MAP4K4: variants seen among roughly 807,000 people sequenced by gnomAD.
MAP4K4 encodes HPK/GCK-like kinase HGK.
A neutral mutation model predicts 189.6 loss-of-function variants in MAP4K4; 38 were observed. That is an observed-to-expected ratio of 0.20 (90% CI 0.15 to 0.26). The LOEUF (loss-of-function observed/expected upper bound fraction) is 0.26, where lower values mean the gene tolerates loss of function less well. Among genes scored for constraint, MAP4K4 ranks in the 10% least tolerant of loss-of-function variants. The pLI is 1.00. For synonymous variants in MAP4K4, 610 were observed against 624.3 expected, an observed-to-expected ratio of 0.98 and a Z score of 0.34; for missense variants, 1,054 against 1,726.9, an observed-to-expected ratio of 0.61 and a Z score of 6.91.
intron 2 of MAP4K4, among the ~76,000 whole-genome samples, chr2:101,759,489 CCCTCT>C (rs2074749107): frequency 1.6e-5 from 1 of 63,692 alleles, no homozygotes; most frequent in Admixed American, 1.5e-4. Context: ...CCCTCCCCTC[CCCTCT>C]CCTCCCCTCT....
chr2:101,787,516 C>G (rs971170436), intron 2 of MAP4K4, among the ~76,000 whole-genome samples: 4 of 152,206 alleles, frequency 2.6e-5, no homozygotes, highest in African/African-American at 9.7e-5. Flanking sequence ...TTGGGCCACC[C>G]AGCTAGCGCA....
chr2:101,879,374 G>A (rs1246704832), intron 27 of MAP4K4, among the ~76,000 whole-genome samples: 1 of 150,564 alleles, frequency 6.6e-6, no homozygotes, highest in Non-Finnish European at 1.5e-5. Flanking sequence ...AGAAACTTAG[G>A]AAGAATAAAA....
intron 5 of MAP4K4, among the ~76,000 whole-genome samples, chr2:101,827,076 G>C (rs1391058230): frequency 6.6e-6 from 1 of 152,046 alleles, no homozygotes; most frequent in East Asian, 1.9e-4. Flanking sequence ...CTATACCCAG[G>C]CAAGCATTGT....
intron 2 of MAP4K4, among the ~76,000 whole-genome samples, chr2:101,727,849 G>T (rs2056386861): frequency 6.6e-6 from 1 of 152,150 alleles, no homozygotes; most frequent in Non-Finnish European, 1.5e-5. Flanking sequence ...TGAGCTTATA[G>T]TTCCAGCTAC....
intron 2 of MAP4K4, among the ~76,000 whole-genome samples, chr2:101,770,134 T>G (rs1043941253): frequency 6.6e-6 from 1 of 152,070 alleles, no homozygotes; most frequent in African/African-American, 2.4e-5. Context: ...TTTCAACAAA[T>G]AAGTTTTGTA....
intron 3 of MAP4K4, among the ~76,000 whole-genome samples, chr2:101,806,589 A>T (rs1260665265): frequency 6.6e-6 from 1 of 152,148 alleles, no homozygotes; most frequent in Non-Finnish European, 1.5e-5. Context: ...CATATTGGCC[A>T]GGCTGGTGTC....
At chr2:101,783,245 T>G (rs1325639956) in intron 2 of MAP4K4, among the ~76,000 whole-genome samples, 1 of 151,318 alleles carries the variant, frequency 6.6e-6, no homozygotes, top group Non-Finnish European at 1.5e-5. Context: ...CTTTCAATTC[T>G]TGGACATTTC....
intron 27 of MAP4K4, among the ~76,000 whole-genome samples, chr2:101,880,517 T>TC (rs1413554589): frequency 1.3e-5 from 2 of 152,032 alleles, no homozygotes; most frequent in East Asian, 3.8e-4. Flanking sequence ...TTCTATTTTT[T>TC]TTTTTTTTTG....
At chr2:101,766,136 T>C (rs999514099) in intron 2 of MAP4K4, among the ~76,000 whole-genome samples, 3 of 152,214 alleles carry the variant, frequency 2.0e-5, no homozygotes, top group African/African-American at 4.8e-5. Context: ...GAGAAAACTT[T>C]ATCCCTTGCC....
intron 3 of MAP4K4, among the ~76,000 whole-genome samples, chr2:101,808,978 T>C (rs1004135551): frequency 6.6e-6 from 1 of 152,242 alleles, no homozygotes; most frequent in Non-Finnish European, 1.5e-5. Context: ...TTCTTATGGC[T>C]GCCAGTCACT....
chr2:101,779,697 T>A (rs1247170315), intron 2 of MAP4K4, among the ~76,000 whole-genome samples: 3 of 152,168 alleles, frequency 2.0e-5, no homozygotes, highest in Non-Finnish European at 4.4e-5. Flanking sequence ...ATGAGAGTGC[T>A]CTGGCTTTGG....
intron 8 of MAP4K4, among the ~76,000 whole-genome samples, chr2:101,835,228 T>G (rs532088156): frequency 6.6e-6 from 1 of 152,316 alleles, no homozygotes; most frequent in East Asian, 1.9e-4. Flanking sequence ...TTTCTCTCAG[T>G]TTTTGTTCAC....
chr2:101,733,663 G>A (rs1230055033), intron 2 of MAP4K4, among the ~76,000 whole-genome samples: 1 of 152,200 alleles, frequency 6.6e-6, no homozygotes, highest in Non-Finnish European at 1.5e-5. Flanking sequence ...TAGAAAGAAT[G>A]GAGGATTCAG....
intron 32 of MAP4K4, among the ~76,000 whole-genome samples, chr2:101,889,722 C>G (rs1028903211): frequency 1.3e-5 from 2 of 152,188 alleles, no homozygotes; most frequent in African/African-American, 4.8e-5. Flanking sequence ...AAACTTGGCC[C>G]TGAAGAACGT....
chr2:101,869,124 TAAA>T (rs2097906066), intron 21 of MAP4K4, among the ~76,000 whole-genome samples: 1 of 151,896 alleles, frequency 6.6e-6, no homozygotes, highest in African/African-American at 2.4e-5. Context: ...AACTAGTAAA[TAAA>T]AACATTAAAT....
chr2:101,815,638 A>G (rs2095667187), intron 3 of MAP4K4, among the ~76,000 whole-genome samples: 1 of 152,182 alleles, frequency 6.6e-6, no homozygotes, highest in South Asian at 2.1e-4. Flanking sequence ...TATATTTTTT[A>G]TAACATACTT....
intron 3 of MAP4K4, among the ~76,000 whole-genome samples, chr2:101,807,922 G>A (rs1022335255): frequency 6.6e-6 from 1 of 152,202 alleles, no homozygotes; most frequent in Non-Finnish European, 1.5e-5. Flanking sequence ...CCATCCGTGA[G>A]AAACCCACCT....
At chr2:101,698,425 T>G (rs759243689) in intron 1 of MAP4K4, 48 bp from the exon 2 acceptor site, 5 of 1,498,928 alleles carry the variant, frequency 3.3e-6, no homozygotes, top group Non-Finnish European at 4.7e-6. Flanking sequence ...ATTTATTCAT[T>G]TTTTTGGCTT....
exon 25 of MAP4K4, chr2:101,873,688 C>T (rs757774851): frequency 9.3e-6 from 15 of 1,612,694 alleles, no homozygotes; most frequent in Non-Finnish European, 1.0e-5. Flanking sequence ...ACAAATCTTC[C>T]TCCTCCTTTA....
Sources: gnomAD v4.1 joint callset for allele counts (sites outside exome capture counted in the v4.1 genomes callset) on GRCh38, gnomAD v4.1.1 for gene constraint, MANE v1.5 for transcripts, NCBI Gene and HGNC (gene_info 2026-07-23, HGNC 2026-07-21) for gene names.